Variants in FHOD3 observed in about 807,000 individuals in gnomAD.
FHOD3 encodes FH1/FH2 domain-containing protein 3.
In FHOD3, 90 loss-of-function variants were observed where a neutral mutation model predicts 173.0. The ratio of observed to expected loss-of-function variants is 0.52; its 90% CI spans 0.44 to 0.62. The LOEUF (loss-of-function observed/expected upper bound fraction) is 0.62, where lower values mean the gene tolerates loss of function less well. FHOD3 is among the 20% of genes least tolerant of loss of function. FHOD3 has a pLI of 0.00. For synonymous variants in FHOD3, 828 were observed against 823.0 expected (o/e 1.01, Z -0.10); for missense variants, 1,945 against 2,034.7 (o/e 0.96, Z 0.85).
At chr18:36,529,906 A>T (rs979133914) in intron 5 of FHOD3, among the ~76,000 whole-genome samples, 2 of 152,282 alleles carry the variant, frequency 1.3e-5, no homozygotes, top group African/African-American at 4.8e-5. Flanking sequence ...CAGATCTCTG[A>T]CAAGGTTCCC....
chr18:36,518,697 G>A (rs1440976014), intron 5 of FHOD3, among the ~76,000 whole-genome samples: 5 of 152,218 alleles, frequency 3.3e-5, no homozygotes, highest in African/African-American at 1.2e-4. Context: ...TTTTCTTGAA[G>A]TACTGAAAAC....
At chr18:36,647,133 T>C (rs895655184) in intron 10 of FHOD3, among the ~76,000 whole-genome samples, 1 of 152,096 alleles carries the variant, frequency 6.6e-6, no homozygotes, top group African/African-American at 2.4e-5. Context: ...TCCCAGCTAC[T>C]TGGGAGGCTG....
chr18:36,597,254 A>T (rs970551624), intron 7 of FHOD3, among the ~76,000 whole-genome samples: 9 of 152,082 alleles, frequency 5.9e-5, no homozygotes, highest in African/African-American at 2.2e-4. Context: ...GCCTTTGTGT[A>T]TCATATCCAA....
intron 5 of FHOD3, among the ~76,000 whole-genome samples, chr18:36,537,591 A>C (rs533866141): frequency 1.4e-4 from 21 of 152,194 alleles, no homozygotes; most frequent in Admixed American, 6.5e-4. Context: ...TAAGGCAAAG[A>C]AAATTACCAG....
chr18:36,544,925 C>G (rs1302464729), intron 5 of FHOD3, among the ~76,000 whole-genome samples: 3 of 152,198 alleles, frequency 2.0e-5, no homozygotes, highest in African/African-American at 7.2e-5. Context: ...GTATTTCTTA[C>G]ATTAAAATCC....
At chr18:36,346,278 G>A (rs2045876645) in intron 1 of FHOD3, among the ~76,000 whole-genome samples, 1 of 152,068 alleles carries the variant, frequency 6.6e-6, no homozygotes. Flanking sequence ...AGGCAGGAGG[G>A]TCACTTGAGC....
chr18:36,412,239 G>A (rs2049390304), intron 3 of FHOD3, among the ~76,000 whole-genome samples: 2 of 152,140 alleles, frequency 1.3e-5, no homozygotes, highest in South Asian at 4.1e-4. Flanking sequence ...GTGATGAGGG[G>A]ATCCGTATGA....
intron 3 of FHOD3, among the ~76,000 whole-genome samples, chr18:36,494,151 A>G (rs938782319): frequency 5.3e-5 from 8 of 151,964 alleles, no homozygotes; most frequent in Non-Finnish European, 1.0e-4. Flanking sequence ...AGTTTTCTTC[A>G]TTGTGCTCTT....
chr18:36,769,979 A>T (rs1449375358), intron 28 of FHOD3, among the ~76,000 whole-genome samples: 2 of 152,154 alleles, frequency 1.3e-5, no homozygotes, highest in Admixed American at 6.5e-5. Context: ...CACCAAATAG[A>T]GGATTCAACT....
At chr18:36,474,980 CACACAT>C (rs1464260710) in intron 3 of FHOD3, among the ~76,000 whole-genome samples, 5 of 99,978 alleles carry the variant, frequency 5.0e-5, no homozygotes, top group Non-Finnish European at 7.8e-5. Context: ...GTTGAAAATA[CACACAT>C]ACACACACAC....
intron 27 of FHOD3, among the ~76,000 whole-genome samples, chr18:36,768,629 G>T (rs771919724): frequency 1.1e-4 from 16 of 152,222 alleles, no homozygotes; most frequent in Non-Finnish European, 1.8e-4. Context: ...AATGTTGAGG[G>T]AGCAGATTTA....
chr18:36,427,381 A>G (rs568376791), intron 3 of FHOD3, among the ~76,000 whole-genome samples: 2 of 150,544 alleles, frequency 1.3e-5, no homozygotes, highest in South Asian at 2.1e-4. Flanking sequence ...CCAGTCTCTC[A>G]TCACCTCTCA....
intron 8 of FHOD3, among the ~76,000 whole-genome samples, chr18:36,609,811 A>T (rs1396500712): frequency 6.6e-6 from 1 of 151,986 alleles, no homozygotes; most frequent in Non-Finnish European, 1.5e-5. Flanking sequence ...GGGTTTCGCC[A>T]TGTTGGCCAG....
At chr18:36,636,533 G>A (rs147708906) in intron 10 of FHOD3, among the ~76,000 whole-genome samples, 3 of 152,202 alleles carry the variant, frequency 2.0e-5, no homozygotes, top group South Asian at 2.1e-4. Flanking sequence ...TGATCGTCCC[G>A]AGAGAGCATA....
chr18:36,434,684 T>G (rs1054378099), intron 3 of FHOD3, among the ~76,000 whole-genome samples: 3 of 152,192 alleles, frequency 2.0e-5, no homozygotes, highest in Non-Finnish European at 1.5e-5. Flanking sequence ...GAGTCTTCTA[T>G]TTATTCAGGT....
At chr18:36,629,725 G>A (rs1037073344) in intron 10 of FHOD3, among the ~76,000 whole-genome samples, 11 of 152,112 alleles carry the variant, frequency 7.2e-5, no homozygotes, top group South Asian at 2.1e-4. Context: ...TTGAGGGGTC[G>A]GAGAAGGGCA....
intron 3 of FHOD3, among the ~76,000 whole-genome samples, chr18:36,387,888 A>G (rs768220081): frequency 6.6e-6 from 1 of 151,992 alleles, no homozygotes; most frequent in Non-Finnish European, 1.5e-5. Context: ...TGACCATTAC[A>G]GGAAGGGGTA....
At chr18:36,769,173 A>G in intron 27 of FHOD3, 92 bp from the exon 28 acceptor site, 2 of 1,463,378 alleles carry the variant, frequency 1.4e-6, no homozygotes, top group South Asian at 2.6e-5. Flanking sequence ...TCTGTTGCTG[A>G]AAGAACTCAA....
At chr18:36,486,359 G>A (rs909977330) in intron 3 of FHOD3, among the ~76,000 whole-genome samples, 13 of 152,282 alleles carry the variant, frequency 8.5e-5, no homozygotes, top group African/African-American at 2.9e-4. Flanking sequence ...ATATTCATAG[G>A]ATGTTCTTGT....
Sources: allele counts gnomAD v4.1 joint callset (sites outside exome capture counted in the v4.1 genomes callset), GRCh38; gene constraint gnomAD v4.1.1; transcripts MANE v1.5; gene names NCBI Gene and HGNC (gene_info 2026-07-23, HGNC 2026-07-21).